ADAMTS12: variants seen among roughly 807,000 people sequenced by gnomAD.
ADAMTS12 encodes A disintegrin and metalloproteinase with thrombospondin motifs 12.
In ADAMTS12, 118 loss-of-function variants were observed where a neutral mutation model predicts 167.8. The ratio of observed to expected loss-of-function variants is 0.70; its 90% CI spans 0.61 to 0.82. The LOEUF (loss-of-function observed/expected upper bound fraction) is 0.82. Ranked by LOEUF, ADAMTS12 falls within the 40% of genes least tolerant of loss-of-function variation. The pLI is 0.00. For synonymous variants in ADAMTS12, 704 were observed against 716.9 expected, an observed-to-expected ratio of 0.98 and a Z score of 0.29; for missense variants, 1,916 against 1,998.8, an observed-to-expected ratio of 0.96 and a Z score of 0.79.
Position 33,702,046 on chromosome 5 carries a change from G to A in ADAMTS12, c.635-17991C>T, listed in dbSNP as rs868797461. Among the ~76,000 whole-genome samples the A allele has an allele frequency of 3.3e-5, 5 of 152,170 alleles. No homozygotes were observed. In the South Asian group the frequency reaches 8.3e-4, roughly 25 times the overall value. Reference sequence around the variant, plus strand: ...GATCAAGTGGATTTTCTATTTCACAGATGGCTAAAAACTAAAGTCTCCAAC... The same window carrying A: ...GATCAAGTGGATTTTCTATTTCACAAATGGCTAAAAACTAAAGTCTCCAAC... On this transcript the variant is annotated intron_variant, in intron 3 of 23. Transcript: ENST00000504830.
chr5:33,611,838 A>G (rs1738744153), intron 16 of ADAMTS12, among the ~76,000 whole-genome samples: 1 of 152,256 alleles, frequency 6.6e-6, no homozygotes, highest in Non-Finnish European at 1.5e-5. Context: ...TAATGTACAT[A>G]AATGCATCCA....
chr5:33,723,089 C>T (rs560972207), intron 3 of ADAMTS12, among the ~76,000 whole-genome samples: 1 of 152,182 alleles, frequency 6.6e-6, no homozygotes, highest in Admixed American at 6.5e-5. Flanking sequence ...TCAGCCTCTC[C>T]TGTCATTCAT....
intron 2 of ADAMTS12, among the ~76,000 whole-genome samples, chr5:33,861,266 C>A (rs148650908): frequency 6.6e-6 from 1 of 152,024 alleles, no homozygotes; most frequent in Admixed American, 6.6e-5. Flanking sequence ...CCCATCAATG[C>A]GCTGTATTCA....
At chr5:33,820,271 T>A (rs1464518106) in intron 2 of ADAMTS12, among the ~76,000 whole-genome samples, 1 of 152,184 alleles carries the variant, frequency 6.6e-6, no homozygotes. Flanking sequence ...GGGAATTTTA[T>A]CTTTGAAATG....
chr5:33,677,650 G>T (rs1199634952), intron 5 of ADAMTS12, among the ~76,000 whole-genome samples: 2 of 152,216 alleles, frequency 1.3e-5, no homozygotes, highest in Admixed American at 6.5e-5. Context: ...GCCATAAAAT[G>T]AAAATCAGAG....
At chr5:33,591,359 A>C (rs1412950088) in intron 17 of ADAMTS12, among the ~76,000 whole-genome samples, 1 of 152,188 alleles carries the variant, frequency 6.6e-6, no homozygotes, top group African/African-American at 2.4e-5. Flanking sequence ...TCTAACCTTC[A>C]TTACTCAGAT....
intron 2 of ADAMTS12, among the ~76,000 whole-genome samples, chr5:33,855,052 C>T (rs1414371115): frequency 6.6e-6 from 1 of 152,206 alleles, no homozygotes; most frequent in East Asian, 1.9e-4. Flanking sequence ...GGCAAGTTTT[C>T]CCACACAGCT....
At chr5:33,652,589 T>C (rs1740904924) in intron 7 of ADAMTS12, among the ~76,000 whole-genome samples, 1 of 152,180 alleles carries the variant, frequency 6.6e-6, no homozygotes, top group South Asian at 2.1e-4. Context: ...GTCTGTTTAC[T>C]CCACTGATTA....
chr5:33,709,837 T>C (rs1351404199), intron 3 of ADAMTS12, among the ~76,000 whole-genome samples: 2 of 152,100 alleles, frequency 1.3e-5, no homozygotes, highest in Non-Finnish European at 2.9e-5. Context: ...AACCTGCACA[T>C]GTATTCCAGA....
At chr5:33,653,142 T>TA (rs1740929179) in intron 7 of ADAMTS12, among the ~76,000 whole-genome samples, 1 of 152,166 alleles carries the variant, frequency 6.6e-6, no homozygotes, top group African/African-American at 2.4e-5. Flanking sequence ...GCATTAAGTA[T>TA]AATATTAGGT....
chr5:33,802,731 G>C (rs1166270810), intron 2 of ADAMTS12, among the ~76,000 whole-genome samples: 1 of 152,156 alleles, frequency 6.6e-6, no homozygotes, highest in Non-Finnish European at 1.5e-5. Context: ...GCCCTACTCT[G>C]ATCCCCAAGT....
chr5:33,527,441 A>C lies in ADAMTS12; in HGVS notation c.4607-75T>G, dbSNP rs1743877969. 2.6e-5 allele frequency: 36 copies of C among 1,405,034 alleles called. No homozygotes were observed. The South Asian group carries it at 4.6e-4, about 18-fold the overall frequency. The allele number at this position is 1,405,034 out of a possible 1,614,324, so 87.0% of individuals were successfully genotyped here. A position where few individuals can be genotyped will look rare whatever the true frequency, so the allele number is the denominator to read the frequency against. The stretch of plus-strand genomic sequence containing the variant: ...TGGATATACAAGCACAACTTCTATT[A>C]ATGTAAGACTTTATATGTCTACCAA... On this transcript the variant is annotated intron_variant, in intron 23 of 23. Coordinates refer to ENST00000504830, the MANE Select transcript of ADAMTS12 (RefSeq NM_030955.4).
chr5:33,809,358 C>T (rs1747360044), intron 2 of ADAMTS12, among the ~76,000 whole-genome samples: 1 of 152,198 alleles, frequency 6.6e-6, no homozygotes, highest in Admixed American at 6.5e-5. Flanking sequence ...CCCATCCCGC[C>T]CCCAAATGCT....
rs574043113 is a variant in ADAMTS12, at chr5:33,748,920, A to T, written c.634+2484T>A. On this transcript the variant is annotated intron_variant, in intron 3 of 23. Transcript: ENST00000504830. ...AAATTTTAAACGTCATGTGTAGTTT[A>T]AGAATATTCACAAGCACATTAGCAA... Among the ~76,000 whole-genome samples the T allele has an allele frequency of 2.0e-5, 3 of 152,320 alleles. No individual in the cohort carries two copies. In the East Asian group the frequency reaches 5.8e-4, roughly 29 times the overall value.
At chr5:33,835,961 G>C (rs201731693) in intron 2 of ADAMTS12, among the ~76,000 whole-genome samples, 6,255 of 57,102 alleles carry the variant, frequency 0.11, 436 homozygotes, top group African/African-American at 0.37. Context: ...CTCTGTGTGT[G>C]TGTGTGTGTC....
At chr5:33,586,091 G>T (rs1225992879) in intron 18 of ADAMTS12, among the ~76,000 whole-genome samples, 1 of 152,156 alleles carries the variant, frequency 6.6e-6, no homozygotes, top group Non-Finnish European at 1.5e-5. Context: ...GACAAATGCA[G>T]ATGAAAATGA....
At chr5:33,634,293 G>C (rs1740092485) in intron 12 of ADAMTS12, among the ~76,000 whole-genome samples, 1 of 152,192 alleles carries the variant, frequency 6.6e-6, no homozygotes, top group African/African-American at 2.4e-5. Context: ...TTTTACCCAG[G>C]ACCTCACACT....
chr5:33,531,175 G>A (rs911700372), intron 23 of ADAMTS12, among the ~76,000 whole-genome samples: 4 of 152,192 alleles, frequency 2.6e-5, no homozygotes, highest in African/African-American at 9.7e-5. Flanking sequence ...GCCAGTGATG[G>A]CCGGCAACCG....
At chr5:33,705,166 AT>A (rs1486481320) in intron 3 of ADAMTS12, among the ~76,000 whole-genome samples, 1 of 151,072 alleles carries the variant, frequency 6.6e-6, no homozygotes, top group African/African-American at 2.4e-5. Context: ...TTGGTTTTCC[AT>A]TTCTGAGTTA....
Sources: allele counts gnomAD v4.1 joint callset (sites outside exome capture counted in the v4.1 genomes callset), GRCh38; gene constraint gnomAD v4.1.1; transcripts MANE v1.5; gene names NCBI Gene and HGNC (gene_info 2026-07-23, HGNC 2026-07-21).